Variants in CROCC observed in about 807,000 individuals in gnomAD.
The protein encoded by CROCC is ciliary rootlet coiled-coil, rootletin.
In CROCC, 180 loss-of-function variants were observed where a neutral mutation model predicts 245.2. The ratio of observed to expected loss-of-function variants is 0.73; its 90% CI spans 0.65 to 0.83. The LOEUF is 0.83. CROCC is among the 40% of genes least tolerant of loss of function. CROCC has a pLI of 0.00. For synonymous variants in CROCC, 1,205 were observed against 1,241.6 expected, an observed-to-expected ratio of 0.97 and a Z score of 0.62; for missense variants, 2,688 against 2,779.4, an observed-to-expected ratio of 0.97 and a Z score of 0.74.
chr1:16,938,201 G>C (rs1322184474), intron 10 of CROCC, among the ~76,000 whole-genome samples, 199 bp from the exon 11 acceptor site: 1 of 152,272 alleles, frequency 6.6e-6, no homozygotes, highest in Non-Finnish European at 1.5e-5. Context: ...TGTGTGACCT[G>C]GGGCAGGACA....
rs61769575 is a variant in CROCC, at chr1:16,916,504, T to C, written n.126-13782T>C. Among the ~76,000 whole-genome samples, 31 of 152,394 alleles carry C rather than the reference T, an allele frequency of 2.0e-4. No individual in the cohort carries two copies. The East Asian group carries it at 5.4e-3, about 27-fold the overall frequency. Reference sequence around the variant, plus strand: ...GGCGCTGCAGGATGGAAGTCATTGCTGTTACTGTTTTTGTTTATTTGAGAC... The same window carrying C: ...GGCGCTGCAGGATGGAAGTCATTGCCGTTACTGTTTTTGTTTATTTGAGAC... On this transcript the variant is annotated intron_variant and non_coding_transcript_variant, in intron 1 of 8. Transcript: ENST00000466256.
chr1:16,915,903 G>T (rs538336280), intron 1 of CROCC, among the ~76,000 whole-genome samples: 1 of 152,268 alleles, frequency 6.6e-6, no homozygotes, highest in Non-Finnish European at 1.5e-5. Flanking sequence ...GAGCAGCCAG[G>T]TGTGGTGGCT....
At chr1:16,939,698 C>T (rs1274564546) in intron 12 of CROCC, among the ~76,000 whole-genome samples, 196 bp from the exon 13 acceptor site, 1 of 152,184 alleles carries the variant, frequency 6.6e-6, no homozygotes. Context: ...GGTGAGGGCT[C>T]AGAGGGTGGC....
intron 19 of CROCC, 76 bp downstream of exon 19, chr1:16,949,002 C>A: frequency 1.3e-6 from 2 of 1,563,018 alleles, no homozygotes; most frequent in Non-Finnish European, 1.7e-6. Context: ...TGGGGTCTCA[C>A]AGAAGTTGGG....
In CROCC at chr1:16,966,094, G is replaced by C. The variant is rs1324561599; in HGVS notation, c.4671G>C (p.Gln1557His). Residue 1557 changes from glutamine to histidine, a missense_variant, in exon 29 of 37, where the codon CAG (glutamine) becomes CAC (histidine). Gln to His is a conservative substitution (Grantham distance 24). This residue lies in a region of CROCC where 1,218 missense variants were observed against 1,286.3 expected (regional missense o/e 0.95). Coordinates refer to ENST00000375541, the MANE Select transcript of CROCC (RefSeq NM_014675.5). The surrounding 1 kb of genome is among the most constrained non-coding windows in gnomAD (Gnocchi z 4.8). The stretch of plus-strand genomic sequence containing the variant: ...CAACCTCGAGGGCCAGGCAGCTGCA[G>C]AAGGCGGTGGCTGAGAGTGAGGAAG... ...DSATSRARQL[Q>H]KAVAESEEAR... 6.2e-7 allele frequency: 1 copy of C among 1,613,196 alleles called. No homozygotes were observed. Among genetic ancestry groups the C allele is most frequent in the Admixed American group, 1.7e-5 (1 of 59,972 alleles).
chr1:16,947,042 G>C, intron 17 of CROCC, 51 bp downstream of exon 17: 1 of 1,471,270 alleles, frequency 6.8e-7, no homozygotes, highest in Non-Finnish European at 9.2e-7. Flanking sequence ...GGGGCAGGCC[G>C]GGCTCCCAGC....
chr1:16,939,547 G>A (rs1262957145), intron 12 of CROCC, among the ~76,000 whole-genome samples: 2 of 152,226 alleles, frequency 1.3e-5, no homozygotes, highest in Non-Finnish European at 2.9e-5. Context: ...GGGTAGGGAG[G>A]AGTCTGAGAG....
In CROCC at chr1:16,946,309, A is replaced by C. The variant is rs1199356931; in HGVS notation, c.2187A>C (p.Ala729=). Residue 729 remains alanine, a synonymous_variant, in exon 16 of 37, where the codon GCA becomes GCC. Coordinates refer to ENST00000375541, the MANE Select transcript of CROCC (RefSeq NM_014675.5). ...ELELSMTKLR[A]EEASLQDSLS... ...AGCTCTCCATGACCAAGCTGAGGGCAGAGGAGGCCTCCCTGCAGGACTCCC... is the reference window on the plus strand; with the variant it reads ...AGCTCTCCATGACCAAGCTGAGGGCCGAGGAGGCCTCCCTGCAGGACTCCC... The C allele has an allele frequency of 5.6e-6, 9 of 1,613,582 alleles. No homozygotes were observed. Among genetic ancestry groups the C allele is most frequent in the Non-Finnish European group, 7.6e-6 (9 of 1,179,990 alleles).
intron 36 of CROCC, 137 bp downstream of exon 36, chr1:16,971,784 T>C (rs1462427097): frequency 1.1e-6 from 1 of 893,040 alleles, no homozygotes; most frequent in African/African-American, 1.7e-5. Flanking sequence ...GGCTCTGCGC[T>C]GGTGTCAGCC....
chr1:16,943,833 T>G (rs2075986562), intron 13 of CROCC, among the ~76,000 whole-genome samples: 1 of 152,288 alleles, frequency 6.6e-6, no homozygotes, highest in South Asian at 2.1e-4. Flanking sequence ...GCTCGGCCTC[T>G]TCTACCTGGT....
intron 27 of CROCC, 22 bp from the exon 28 acceptor site, chr1:16,965,701 G>T: frequency 6.4e-7 from 1 of 1,561,988 alleles, no homozygotes; most frequent in South Asian, 1.1e-5. Context: ...GCATCACTGA[G>T]CAAGTCTTCT....
rs376384811 is a variant in CROCC at position 16,969,200 on chromosome 1, G to C, written c.5161G>C (p.Glu1721Gln). The C allele has an allele frequency of 6.2e-7, 1 of 1,610,538 alleles. No homozygotes were observed. The highest frequency in any genetic ancestry group is 8.5e-7 in the Non-Finnish European group (1 of 1,177,728). Residue 1721 changes from glutamate (E) to glutamine (Q), a missense_variant, in exon 32 of 37, where the codon GAG becomes CAG. This residue lies in a region of CROCC where 1,218 missense variants were observed against 1,286.3 expected (regional missense o/e 0.95). Coordinates refer to ENST00000375541, the MANE Select transcript of CROCC (RefSeq NM_014675.5). ...GGCCCTGGCTAAGGTGGAGGAAAGC[G>C]AGGGGGCCCTGCGGGACAAGGTGCG... ...NGALAKVEES[E>Q]GALRDKVRGL...
intron 1 of CROCC, among the ~76,000 whole-genome samples, chr1:16,914,893 C>T (rs536575039): frequency 1.3e-5 from 2 of 152,284 alleles, no homozygotes; most frequent in African/African-American, 4.8e-5. Context: ...CTTCAGGGTG[C>T]CATCTGTCTG....
At chr1:16,956,531 C>T (rs1379917976) in intron 25 of CROCC, among the ~76,000 whole-genome samples, 2 of 152,188 alleles carry the variant, frequency 1.3e-5, no homozygotes, top group East Asian at 1.9e-4. Context: ...CTTTACGGGC[C>T]ACACAGTCTC....
At chr1:16,926,140 C>G (rs2075530102) in intron 3 of CROCC, among the ~76,000 whole-genome samples, 1 of 152,268 alleles carries the variant, frequency 6.6e-6, no homozygotes, top group Non-Finnish European at 1.5e-5. Flanking sequence ...AGTGGGGGCC[C>G]AAATGGCACG....
rs1300012566 is a variant in CROCC at position 16,966,281 on chromosome 1, G to C, written c.4697-127G>C. ...GACAGCCTCACCTGTGTGCAGGCCCGCATACTACGAAGGGTGCAGACAGTC... is the reference window on the plus strand; with the variant it reads ...GACAGCCTCACCTGTGTGCAGGCCCCCATACTACGAAGGGTGCAGACAGTC... On this transcript the variant is annotated intron_variant, in intron 29 of 36. Coordinates refer to ENST00000375541, the MANE Select transcript of CROCC (RefSeq NM_014675.5). This position sits in a 1 kb window ranked among gnomAD's most constrained non-coding sequence, Gnocchi z 4.8. 1.4e-6 allele frequency: 2 copies of C among 1,421,926 alleles called. No individual in the cohort carries two copies. The highest frequency in any genetic ancestry group is 1.4e-5 in the African/African-American group (1 of 69,992). The allele number at this position is 1,421,926 out of a possible 1,614,324, so 88.1% of individuals were successfully genotyped here. A position where few individuals can be genotyped will look rare whatever the true frequency, so the allele number is the denominator to read the frequency against.
chr1:16,955,819 C>T (rs190663661), intron 24 of CROCC, among the ~76,000 whole-genome samples, 178 bp from the exon 25 acceptor site: 143 of 152,048 alleles, frequency 9.4e-4, no homozygotes, highest in South Asian at 2.9e-3. Flanking sequence ...CACTGGTCTA[C>T]CCCTCCCAGC....
chr1:16,962,088 C>G (rs531826222), intron 27 of CROCC, among the ~76,000 whole-genome samples: 93 of 150,696 alleles, frequency 6.2e-4, no homozygotes, highest in Non-Finnish European at 1.0e-3. Flanking sequence ...TTTGAGATGG[C>G]GTCTTGCTCT....
Position 16,930,563 on chromosome 1 carries a change from A to G in CROCC, c.818A>G (p.His273Arg). Residue 273 changes from histidine to arginine, a missense_variant, in exon 7 of 37, where the codon CAC becomes CGC. Around this residue, in one of 9 missense-constraint regions of CROCC, gnomAD observed 972 missense variants for 895.3 expected, o/e 1.09. Transcript: ENST00000375541. ...DWTRCRKELE[H>R]REAAWRREEE... is the part of the protein sequence containing the mutation. The stretch of plus-strand genomic sequence containing the variant: ...ACACGCTGCCGCAAGGAGCTGGAGC[A>G]CCGGGAGGCGGCGTGGAGGCGCGAG... The G allele has an allele frequency of 6.2e-7, 1 of 1,612,136 alleles. No individual in the cohort carries two copies.
Sources: allele counts gnomAD v4.1 joint callset (sites outside exome capture counted in the v4.1 genomes callset), GRCh38; gene constraint gnomAD v4.1.1; regional missense constraint gnomAD v4.1.1; non-coding constraint Gnocchi (gnomAD v3.1); transcripts MANE v1.5; gene names NCBI Gene and HGNC (gene_info 2026-07-23, HGNC 2026-07-21).